Variants in EYS observed in about 807,000 individuals in gnomAD.
EYS encodes the protein EGF-like photoreceptor maintenance factor, also known as protein eyes shut homolog.
A neutral mutation model predicts 282.1 loss-of-function variants in EYS; 250 were observed. The ratio of observed to expected loss-of-function variants is 0.89; its 90% CI spans 0.80 to 0.98. The LOEUF (loss-of-function observed/expected upper bound fraction) is 0.98. Ranked by LOEUF, EYS falls within the 50% of genes least tolerant of loss-of-function variation. The probability of loss-of-function intolerance (pLI) is 0.00; values close to 1 mark genes in which losing one functional copy is unlikely to be tolerated. For synonymous variants in EYS, 1,355 were observed against 1,282.9 expected (o/e 1.06, Z -1.20); for missense variants, 4,016 against 3,709.0 (o/e 1.08, Z -2.15).
At position 65,270,853 on chromosome 6, in the gene EYS, A is replaced by G. The variant is rs148155500; in HGVS notation, c.2023+25010T>C. Among the ~76,000 whole-genome samples, 9 of 152,006 alleles carry G rather than the reference A, an allele frequency of 5.9e-5. No individual in the cohort carries two copies. The East Asian group carries it at 1.8e-3, about 30-fold the overall frequency. On this transcript the variant is annotated intron_variant, in intron 12 of 42. Transcript: ENST00000503581. Reference sequence around the variant, plus strand: ...CGTTTTCACCTGAGACCATAATGGCAGCCATAATGCAGTGTTCTATATATG... The same window carrying G: ...CGTTTTCACCTGAGACCATAATGGCGGCCATAATGCAGTGTTCTATATATG...
At chr6:64,721,619 T>A (rs1771584949) in intron 22 of EYS, among the ~76,000 whole-genome samples, 1 of 152,210 alleles carries the variant, frequency 6.6e-6, no homozygotes, top group African/African-American at 2.4e-5. Context: ...TCCTTTAATT[T>A]ATTCTACTCT....
intron 2 of EYS, among the ~76,000 whole-genome samples, chr6:65,629,533 A>C (rs2149807172): frequency 6.6e-6 from 1 of 152,158 alleles, no homozygotes; most frequent in South Asian, 2.1e-4. Flanking sequence ...CAACCCGAAA[A>C]CCCCACATGA....
intron 30 of EYS, among the ~76,000 whole-genome samples, chr6:64,235,164 G>T (rs1430495083): frequency 2.6e-5 from 4 of 150,974 alleles, no homozygotes; most frequent in Non-Finnish European, 4.4e-5. Context: ...ATGTATACAT[G>T]TGCCATGCTG....
At chr6:63,850,607 T>C (rs1772221840) in intron 36 of EYS, among the ~76,000 whole-genome samples, 1 of 152,124 alleles carries the variant, frequency 6.6e-6, no homozygotes, top group Non-Finnish European at 1.5e-5. Context: ...ATAAATTCCT[T>C]TACAGACAAG....
intron 1 of EYS, among the ~76,000 whole-genome samples, chr6:65,645,722 G>T (rs13209712): frequency 6.6e-6 from 1 of 151,768 alleles, no homozygotes; most frequent in African/African-American, 2.4e-5. Context: ...AACTACAAAA[G>T]ATAATGAAAC....
chr6:63,973,685 A>G (rs898044680), intron 35 of EYS, among the ~76,000 whole-genome samples: 33 of 152,178 alleles, frequency 2.2e-4, no homozygotes, highest in Admixed American at 2.1e-3. Context: ...AACACTTGGT[A>G]ATTATTAGGT....
chr6:64,698,745 T>C (rs1223238508), intron 22 of EYS, among the ~76,000 whole-genome samples: 1 of 152,176 alleles, frequency 6.6e-6, no homozygotes, highest in Non-Finnish European at 1.5e-5. Flanking sequence ...TCAATCATCA[T>C]CAGAGAAATG....
chr6:65,085,740 G>T (rs1774347546), intron 12 of EYS, among the ~76,000 whole-genome samples: 1 of 152,118 alleles, frequency 6.6e-6, no homozygotes, highest in African/African-American at 2.4e-5. Context: ...TCATCCATCT[G>T]CCTTTCCAGG....
At chr6:64,897,090 C>T (rs1469632489) in intron 18 of EYS, among the ~76,000 whole-genome samples, 1 of 152,168 alleles carries the variant, frequency 6.6e-6, no homozygotes, top group Admixed American at 6.5e-5. Flanking sequence ...TCACCCAGTA[C>T]AGTGCTCAAG....
At chr6:64,409,678 T>C (rs1164579443) in intron 28 of EYS, among the ~76,000 whole-genome samples, 1 of 152,176 alleles carries the variant, frequency 6.6e-6, no homozygotes, top group African/African-American at 2.4e-5. Flanking sequence ...CGCATTGGCT[T>C]GTTTCAGAAA....
intron 22 of EYS, among the ~76,000 whole-genome samples, chr6:64,797,964 A>C (rs1389136536): frequency 6.6e-6 from 1 of 151,946 alleles, no homozygotes; most frequent in Non-Finnish European, 1.5e-5. Flanking sequence ...TTAATATCTC[A>C]TATATTACAT....
At position 64,510,774 on chromosome 6, in the gene EYS, T is replaced by C. The variant is rs534497042; in HGVS notation, c.5645-71422A>G. Among the ~76,000 whole-genome samples, 153 of 152,314 alleles carry C rather than the reference T, an allele frequency of 1.0e-3. 1 individual carries two copies. Among genetic ancestry groups the C allele is most frequent in the Admixed American group, 3.6e-3 (55 of 15,288 alleles). ...TTTCCTTAGTCATGTAGTTAGAGAA[T>C]CTGTGCATCTCTCACATATGTGTTA... is the stretch of plus-strand genomic sequence containing the variant. On this transcript the variant is annotated intron_variant, in intron 26 of 42. Coordinates refer to ENST00000503581, the MANE Select transcript of EYS (RefSeq NM_001142800.2).
chr6:64,970,837 T>G (rs539023691), intron 14 of EYS, among the ~76,000 whole-genome samples: 1 of 152,208 alleles, frequency 6.6e-6, no homozygotes, highest in East Asian at 1.9e-4. Flanking sequence ...GTTGCTGCCA[T>G]TTTGAGATAA....
At chr6:63,967,706 C>T (rs190631898) in intron 35 of EYS, among the ~76,000 whole-genome samples, 5 of 152,250 alleles carry the variant, frequency 3.3e-5, no homozygotes, top group Admixed American at 3.3e-4. Context: ...TAATTAATCC[C>T]CATAAGCAAA....
chr6:65,266,002 T>A (rs1165155059), intron 12 of EYS, among the ~76,000 whole-genome samples: 1 of 151,760 alleles, frequency 6.6e-6, no homozygotes, highest in Non-Finnish European at 1.5e-5. Context: ...CATCAGAGAA[T>A]AAAAAAATTA....
chr6:64,629,013 C>G (rs939830688), intron 22 of EYS, among the ~76,000 whole-genome samples: 1 of 152,048 alleles, frequency 6.6e-6, no homozygotes, highest in African/African-American at 2.4e-5. Context: ...GTTTCTTTAG[C>G]TTTTATCTAA....
chr6:64,867,157 G>A (rs762263580), intron 19 of EYS, among the ~76,000 whole-genome samples: 7 of 151,674 alleles, frequency 4.6e-5, no homozygotes, highest in Non-Finnish European at 4.4e-5. Context: ...AAGACCATGT[G>A]TCTTATTTTA....
chr6:64,532,228 T>C (rs1011951172), intron 26 of EYS, among the ~76,000 whole-genome samples: 12 of 152,168 alleles, frequency 7.9e-5, no homozygotes, highest in African/African-American at 2.9e-4. Flanking sequence ...CTGCAAAATA[T>C]TTAAAAAATT....
chr6:64,057,041 CAG>C (rs1483158016), intron 33 of EYS, among the ~76,000 whole-genome samples: 1 of 152,094 alleles, frequency 6.6e-6, no homozygotes, highest in African/African-American at 2.4e-5. Flanking sequence ...TAGCATAAAA[CAG>C]AAATTTACTG....
Sources: gnomAD v4.1 joint callset for allele counts (sites outside exome capture counted in the v4.1 genomes callset) on GRCh38, gnomAD v4.1.1 for gene constraint, MANE v1.5 for transcripts, NCBI Gene and HGNC (gene_info 2026-07-23, HGNC 2026-07-21) for gene names.